CNTN4: variants seen among roughly 807,000 people sequenced by gnomAD.
The protein encoded by CNTN4 is contactin-4.
In CNTN4, 77 loss-of-function variants were observed where a neutral mutation model predicts 122.5. The observed-to-expected ratio is 0.63, with a 90% CI of 0.52 to 0.76. The LOEUF is 0.76. Among genes scored for constraint, CNTN4 ranks in the 30% least tolerant of loss-of-function variants. The pLI, the probability that CNTN4 is intolerant of heterozygous loss-of-function variation, is 0.00. For synonymous variants in CNTN4, 512 were observed against 447.0 expected (o/e 1.15, Z -1.83); for missense variants, 1,256 against 1,259.1 (o/e 1.00, Z 0.04).
chr3:2,251,572 T>C (rs1229768892), intron 2 of CNTN4, among the ~76,000 whole-genome samples: 1 of 151,966 alleles, frequency 6.6e-6, no homozygotes, highest in Non-Finnish European at 1.5e-5. Context: ...CTTCACTTTT[T>C]TTTTGTAGAG....
At chr3:2,353,865 C>T (rs2044751761) in intron 3 of CNTN4, among the ~76,000 whole-genome samples, 1 of 152,094 alleles carries the variant, frequency 6.6e-6, no homozygotes, top group African/African-American at 2.4e-5. Flanking sequence ...CGCCACCGCA[C>T]TCCAGCCTGG....
At chr3:2,238,492 TAAA>T (rs1045014213) in intron 2 of CNTN4, among the ~76,000 whole-genome samples, 2 of 151,890 alleles carry the variant, frequency 1.3e-5, no homozygotes, top group Admixed American at 6.6e-5. Flanking sequence ...TTTTTCAAAA[TAAA>T]AAAATCTTAG....
chr3:2,541,714 C>G (rs1296936803), intron 3 of CNTN4, among the ~76,000 whole-genome samples: 12 of 152,134 alleles, frequency 7.9e-5, no homozygotes, highest in Admixed American at 7.9e-4. Context: ...ACAGTAGCAT[C>G]TACCAGAGTA....
At chr3:2,340,710 T>TATATATATATATATATAGAGAGAG in intron 3 of CNTN4, among the ~76,000 whole-genome samples, 13 of 18,300 alleles carry the variant, frequency 7.1e-4, no homozygotes, top group Non-Finnish European at 1.5e-3. Flanking sequence ...TATATATATA[T>TATATATATATATATATAGAGAGAG]AGAGAGAGAG....
intron 4 of CNTN4, among the ~76,000 whole-genome samples, chr3:2,631,852 G>A (rs1251769399): frequency 2.3e-5 from 3 of 127,988 alleles, no homozygotes; most frequent in African/African-American, 9.5e-5. Context: ...AACATAGGGA[G>A]ACCGTATCTC....
chr3:2,487,274 A>G (rs2076189819), intron 3 of CNTN4, among the ~76,000 whole-genome samples: 2 of 152,220 alleles, frequency 1.3e-5, no homozygotes, highest in Admixed American at 6.5e-5. Context: ...AAGCATGCTT[A>G]TCTTTACTGC....
rs765161798 is a variant in CNTN4, at chr3:2,902,986, C to T, written c.1188C>T (p.Asn396=). Residue 396 remains asparagine (N), a synonymous_variant, in exon 12 of 25, where the codon AAC becomes AAT. Coordinates refer to ENST00000418658, the MANE Select transcript of CNTN4 (RefSeq NM_175607.3). ...AENKHGVIFS[N]AELSVIAVGP... ...ATAAACATGGAGTTATCTTTTCCAACGCAGAGCTTAGTGTTATAGGTGAGT... is the reference window on the plus strand; with the variant it reads ...ATAAACATGGAGTTATCTTTTCCAATGCAGAGCTTAGTGTTATAGGTGAGT... 4.4e-5 allele frequency: 71 copies of T among 1,613,538 alleles called. No individual in the cohort carries two copies. In the East Asian group the frequency reaches 8.9e-4, roughly 20 times the overall value.
intron 3 of CNTN4, among the ~76,000 whole-genome samples, chr3:2,515,315 G>A (rs1255069402): frequency 6.6e-6 from 1 of 152,130 alleles, no homozygotes; most frequent in East Asian, 1.9e-4. Context: ...TGATTAAGGT[G>A]AAGGATTTAT....
chr3:2,877,235 C>A (rs2093854943), intron 8 of CNTN4, among the ~76,000 whole-genome samples: 1 of 152,172 alleles, frequency 6.6e-6, no homozygotes, highest in East Asian at 1.9e-4. Context: ...CCACAGTGTG[C>A]CCCCATTTGT....
rs978444923 is a variant in CNTN4, at chr3:2,400,211, A to G, written c.-89+60978A>G. ...CTGTGTAACCCTACCACGAAATAATATTTTTCTACTTTAAACAATTCTAGT... is the reference window on the plus strand; with the variant it reads ...CTGTGTAACCCTACCACGAAATAATGTTTTTCTACTTTAAACAATTCTAGT... On this transcript the variant is annotated intron_variant, in intron 3 of 24. Transcript: ENST00000418658. 4.6e-5 allele frequency among the ~76,000 whole-genome samples: 7 copies of G among 151,474 alleles called. No homozygotes were observed. In the South Asian group the frequency reaches 1.2e-3, roughly 27 times the overall value.
At position 2,574,149 on chromosome 3, in the gene CNTN4, G is replaced by T. The variant is rs931063110; in HGVS notation, c.55+2591G>T. Among the ~76,000 whole-genome samples, 3 of 152,320 alleles carry T rather than the reference G, an allele frequency of 2.0e-5. No individual in the cohort carries two copies. In the East Asian group the frequency reaches 5.8e-4, roughly 29 times the overall value. On this transcript the variant is annotated intron_variant, in intron 4 of 24. Coordinates refer to ENST00000418658, the MANE Select transcript of CNTN4 (RefSeq NM_175607.3). ...GAGAATCGCCTGAACCTGGGAGGCGGAGGTTGCGGTGAGCCGAGATCACGC... is the reference window on the plus strand; with the variant it reads ...GAGAATCGCCTGAACCTGGGAGGCGTAGGTTGCGGTGAGCCGAGATCACGC...
At chr3:2,223,236 C>T (rs2039132476) in intron 2 of CNTN4, among the ~76,000 whole-genome samples, 1 of 152,168 alleles carries the variant, frequency 6.6e-6, no homozygotes, top group Non-Finnish European at 1.5e-5. Context: ...GGTAATTTTA[C>T]ACTGTTCCGT....
At chr3:2,185,288 GTC>G in intron 2 of CNTN4, among the ~76,000 whole-genome samples, 1 of 152,238 alleles carries the variant, frequency 6.6e-6, no homozygotes. Flanking sequence ...GCTCACCACG[GTC>G]TCTCTCTTCC....
At chr3:2,557,750 C>CA (rs1161308559) in intron 3 of CNTN4, among the ~76,000 whole-genome samples, 6,678 of 105,916 alleles carry the variant, frequency 0.063, 402 homozygotes, top group African/African-American at 0.18. Flanking sequence ...GATTCTGTCT[C>CA]AAAAAAAAAA....
In CNTN4 at chr3:2,171,223, A is replaced by G. The variant is rs1245627373; in HGVS notation, c.-145+70584A>G. On this transcript the variant is annotated intron_variant, in intron 2 of 24. Transcript: ENST00000418658. ...CCAGGAAATGGACAGATAAATAAAAATGATTTGCTCTTACCAAAAATGTTA... is the reference window on the plus strand; with the variant it reads ...CCAGGAAATGGACAGATAAATAAAAGTGATTTGCTCTTACCAAAAATGTTA... Among the ~76,000 whole-genome samples the G allele has an allele frequency of 2.0e-5, 3 of 152,348 alleles. No individual in the cohort carries two copies. The East Asian group carries it at 5.8e-4, about 29-fold the overall frequency.
At chr3:2,574,552 G>T (rs558515648) in intron 4 of CNTN4, among the ~76,000 whole-genome samples, 1 of 152,154 alleles carries the variant, frequency 6.6e-6, no homozygotes, top group Non-Finnish European at 1.5e-5. Context: ...TCAGTGTCTG[G>T]CAATAATTTT....
At chr3:2,922,704 C>T (rs536807575) in intron 12 of CNTN4, among the ~76,000 whole-genome samples, 11 of 151,394 alleles carry the variant, frequency 7.3e-5, no homozygotes, top group African/African-American at 2.7e-4. Flanking sequence ...TCTCCACCTC[C>T]CAGGTTAAAG....
chr3:2,773,262 A>T (rs922475608), intron 6 of CNTN4, among the ~76,000 whole-genome samples: 3 of 152,158 alleles, frequency 2.0e-5, no homozygotes. Flanking sequence ...ATATTTTTTC[A>T]GGTTGACAAA....
chr3:2,327,526 C>T (rs2043513750), intron 2 of CNTN4, among the ~76,000 whole-genome samples: 1 of 152,082 alleles, frequency 6.6e-6, no homozygotes, highest in Admixed American at 6.6e-5. Context: ...GAAAGAAAAC[C>T]AGGTCATGCC....
Sources: allele counts gnomAD v4.1 joint callset (sites outside exome capture counted in the v4.1 genomes callset), GRCh38; gene constraint gnomAD v4.1.1; transcripts MANE v1.5; gene names NCBI Gene and HGNC (gene_info 2026-07-23, HGNC 2026-07-21).